The following TRIQK variants were observed in gnomAD, a reference collection of about 807,000 sequenced individuals.
TRIQK encodes the protein triple QxxK/R motif-containing protein.
In TRIQK, 10 loss-of-function variants were observed where a neutral mutation model predicts 10.8. The ratio of observed to expected loss-of-function variants is 0.92; its 90% CI spans 0.57 to 1.57. TRIQK has a LOEUF of 1.57. TRIQK is among the 40% of genes most tolerant of loss of function. The pLI is 0.00. For missense variants in TRIQK, 107 were observed against 97.7 expected (o/e 1.09, Z -0.40); for synonymous variants, 33 against 33.7 (o/e 0.98, Z 0.07).
chr8:92,896,894 G>A (rs1808632874), intron 3 of TRIQK, among the ~76,000 whole-genome samples: 1 of 151,044 alleles, frequency 6.6e-6, no homozygotes. Flanking sequence ...CTGGCTCACT[G>A]CAACCTCTGC....
At chr8:92,945,381 G>A (rs990868440) in intron 2 of TRIQK, among the ~76,000 whole-genome samples, 2 of 152,180 alleles carry the variant, frequency 1.3e-5, no homozygotes, top group Admixed American at 6.5e-5. Flanking sequence ...CAAAGCATAC[G>A]GTGTAGGATC....
At chr8:92,959,104 A>T (rs1260561909) in intron 1 of TRIQK, among the ~76,000 whole-genome samples, 2 of 152,048 alleles carry the variant, frequency 1.3e-5, no homozygotes, top group Non-Finnish European at 1.5e-5. Flanking sequence ...TTAAATTTGA[A>T]TTTTACATAA....
chr8:92,898,699 A>T (rs1394071948), intron 3 of TRIQK, among the ~76,000 whole-genome samples: 1 of 151,542 alleles, frequency 6.6e-6, no homozygotes, highest in East Asian at 1.9e-4. Flanking sequence ...AATAGGATAC[A>T]ATGGCTGAGT....
Position 92,886,327 on chromosome 8 carries a change from G to T in TRIQK, c.*295C>A, listed in dbSNP as rs1236470567. The T allele has an allele frequency of 5.4e-6, 1 of 183,974 alleles. No homozygotes were observed. The highest frequency in any genetic ancestry group is 1.4e-4 in the East Asian group (1 of 7,336). The allele number at this position is 183,974 out of a possible 1,614,324, so 11.4% of individuals were successfully genotyped here. ...GTGATGGAATTATACACATAAATTG[G>T]CAATGACATTTGAAAAATTTAGGAT... On this transcript the variant is annotated 3_prime_UTR_variant, in exon 5 of 5. Transcript: ENST00000521988.
intron 3 of TRIQK, among the ~76,000 whole-genome samples, chr8:92,906,480 T>A (rs1264074035): frequency 6.6e-6 from 1 of 152,094 alleles, no homozygotes; most frequent in African/African-American, 2.4e-5. Context: ...ACTAAGGTTC[T>A]TGAATTAAGA....
intron 3 of TRIQK, among the ~76,000 whole-genome samples, chr8:92,893,950 C>T (rs1816885434): frequency 6.6e-6 from 1 of 151,830 alleles, no homozygotes. Context: ...ATGTATCTGT[C>T]ATAAAACACA....
chr8:93,004,513 T>C (rs983740185), intron 1 of TRIQK, among the ~76,000 whole-genome samples: 17 of 152,252 alleles, frequency 1.1e-4, no homozygotes, highest in African/African-American at 2.9e-4. Flanking sequence ...TCTTGGCTAT[T>C]AACATTGAGC....
At chr8:92,970,063 A>G (rs943247512), upstream of TRIQK, among the ~76,000 whole-genome samples, 9 of 151,966 alleles carry the variant, frequency 5.9e-5, no homozygotes, top group African/African-American at 1.9e-4. Flanking sequence ...CTGTTCTTAC[A>G]TTAGTTTGCC....
intron 1 of TRIQK, among the ~76,000 whole-genome samples, chr8:93,012,113 G>A (rs1218978557): frequency 6.6e-6 from 1 of 152,130 alleles, no homozygotes; most frequent in African/African-American, 2.4e-5. Flanking sequence ...TAAATTGATA[G>A]GAATTAGAAA....
At chr8:92,938,112 A>G (rs1195725385) in intron 2 of TRIQK, among the ~76,000 whole-genome samples, 1 of 151,846 alleles carries the variant, frequency 6.6e-6, no homozygotes, top group Non-Finnish European at 1.5e-5. Flanking sequence ...TTTGAAGAAT[A>G]TTTTTCTTCA....
rs1504682 is a variant in TRIQK at position 93,006,891 on chromosome 8, G to C, written c.-181+10718C>G. Among the ~76,000 whole-genome samples, 253 of 152,320 alleles carry C rather than the reference G, an allele frequency of 1.7e-3. 3 individuals are homozygous for C. The highest frequency in any genetic ancestry group is 5.7e-3 in the African/African-American group (236 of 41,580). On this transcript the variant is annotated intron_variant, in intron 1 of 4. Transcript: ENST00000520686. The stretch of plus-strand genomic sequence containing the variant: ...AGCCCCTAGCAGCAGGGGTGGCCAC[G>C]GTCTCTGTGGATAAGCAGGCTTAGT...
intron 1 of TRIQK, among the ~76,000 whole-genome samples, chr8:92,954,939 T>C (rs2130684085): frequency 6.6e-6 from 1 of 152,058 alleles, no homozygotes; most frequent in East Asian, 1.9e-4. Context: ...TATTTTCTGT[T>C]ATTTTAATTT....
chr8:92,891,962 T>C (rs775844964), intron 4 of TRIQK, 27 bp downstream of exon 4: 78 of 1,490,436 alleles, frequency 5.2e-5, no homozygotes, highest in Non-Finnish European at 9.9e-6. Flanking sequence ...ACATATCAAA[T>C]TTTAAAGTTA....
At chr8:92,921,208 ACTGTGTGTTAG>A (rs1464232341) in intron 2 of TRIQK, among the ~76,000 whole-genome samples, 2 of 151,720 alleles carry the variant, frequency 1.3e-5, no homozygotes, top group East Asian at 3.9e-4. Flanking sequence ...TTGAGAGAGG[ACTGTGTGTTAG>A]CTTGAGATCC....
intron 3 of TRIQK, among the ~76,000 whole-genome samples, chr8:92,903,207 G>A (rs1237429421): frequency 1.3e-5 from 2 of 151,826 alleles, no homozygotes; most frequent in African/African-American, 4.8e-5. Context: ...TTAATGTAAT[G>A]GAAATAAGAA....
At chr8:92,937,157 T>A (rs1811032740) in intron 2 of TRIQK, among the ~76,000 whole-genome samples, 2 of 151,872 alleles carry the variant, frequency 1.3e-5, no homozygotes, top group African/African-American at 4.8e-5. Context: ...AAACTCTGTA[T>A]GTCTACATAA....
At chr8:93,001,954 A>G (rs1261001133) in intron 1 of TRIQK, among the ~76,000 whole-genome samples, 1 of 152,244 alleles carries the variant, frequency 6.6e-6, no homozygotes, top group Non-Finnish European at 1.5e-5. Flanking sequence ...GTAATGGTAT[A>G]AAACTAGAAT....
At chr8:92,997,058 T>TTC (rs943693953) in intron 1 of TRIQK, among the ~76,000 whole-genome samples, 124 of 152,102 alleles carry the variant, frequency 8.2e-4, no homozygotes, top group Admixed American at 3.6e-3. Flanking sequence ...CATACATTGT[T>TTC]TCTCTGTTAG....
intron 1 of TRIQK, among the ~76,000 whole-genome samples, chr8:92,991,647 C>T (rs1028726863): frequency 2.6e-5 from 4 of 152,032 alleles, no homozygotes; most frequent in African/African-American, 7.2e-5. Flanking sequence ...TTGGAAGTTC[C>T]GGCCCGGGCA....
Sources: gnomAD v4.1 joint callset for allele counts (sites outside exome capture counted in the v4.1 genomes callset) on GRCh38, gnomAD v4.1.1 for gene constraint, MANE v1.5 for transcripts, NCBI Gene and HGNC (gene_info 2026-07-23, HGNC 2026-07-21) for gene names.